Variants in CRB1 observed in about 807,000 individuals in gnomAD.
CRB1 encodes the protein protein crumbs homolog 1.
A neutral mutation model predicts 120.0 loss-of-function variants in CRB1; 83 were observed. That is an observed-to-expected ratio of 0.69 (90% CI 0.58 to 0.83). The LOEUF is 0.83. Ranked by LOEUF, CRB1 falls within the 40% of genes least tolerant of loss-of-function variation. CRB1 has a pLI of 0.00. For missense variants in CRB1, 1,699 were observed against 1,687.6 expected (o/e 1.01, Z -0.12); for synonymous variants, 625 against 612.5 (o/e 1.02, Z -0.30).
At chr1:197,222,431 T>C in the CRB1 span, 4 of 768,420 alleles carry the variant, frequency 5.2e-6, no homozygotes, top group Non-Finnish European at 9.7e-6. Context: ...GTCCTCGGGC[T>C]ACCGTCATGG....
At chr1:197,420,287 T>G (rs1270939475) in intron 5 of CRB1, among the ~76,000 whole-genome samples, 1 of 152,236 alleles carries the variant, frequency 6.6e-6, no homozygotes, top group Non-Finnish European at 1.5e-5. Flanking sequence ...GTATTCATAT[T>G]ACTTTTTTTA....
chr1:197,292,506 A>G (rs2125239777), intron 1 of CRB1, among the ~76,000 whole-genome samples: 1 of 152,044 alleles, frequency 6.6e-6, no homozygotes, highest in Middle Eastern at 3.4e-3. Flanking sequence ...ACCATTCCTT[A>G]TGAAGATATT....
chr1:197,378,080 A>G (rs1307633977), intron 5 of CRB1, among the ~76,000 whole-genome samples: 1 of 152,202 alleles, frequency 6.6e-6, no homozygotes, highest in Non-Finnish European at 1.5e-5. Context: ...TTTTGTTGAC[A>G]TGTAAGTTTT....
Position 197,331,831 on chromosome 1 carries a change from T to G in CRB1, c.652+2828T>G, listed in dbSNP as rs555194058. Reference sequence around the variant, plus strand: ...ATGTATGTTTTTTAAATATCTTAATTAAATTGGATTTTAATGAATCCTTTC... The same window carrying G: ...ATGTATGTTTTTTAAATATCTTAATGAAATTGGATTTTAATGAATCCTTTC... On this transcript the variant is annotated intron_variant, in intron 2 of 11. Transcript: ENST00000367400. Among the ~76,000 whole-genome samples, 11 of 152,300 alleles carry G rather than the reference T, an allele frequency of 7.2e-5. No homozygotes were observed. The East Asian group carries it at 1.9e-3, about 27-fold the overall frequency.
intron 11 of CRB1, among the ~76,000 whole-genome samples, chr1:197,446,835 T>C (rs182345802): frequency 1.4e-4 from 22 of 152,302 alleles, no homozygotes; most frequent in African/African-American, 5.3e-4. Context: ...TCTTTGTTGA[T>C]TGGATAAATG....
intron 1 of CRB1, among the ~76,000 whole-genome samples, chr1:197,285,909 CTTTGAA>C (rs1558029599): frequency 1.3e-5 from 2 of 151,820 alleles, no homozygotes; most frequent in Admixed American, 6.6e-5. Context: ...TTTAGTTATT[CTTTGAA>C]TTTGAGCAGA....
At chr1:197,207,489 G>A in the CRB1 span, among the ~76,000 whole-genome samples, 5 of 152,020 alleles carry the variant, frequency 3.3e-5, no homozygotes, top group African/African-American at 4.8e-5. Flanking sequence ...TAGTTTTGCT[G>A]GATACAAAAT....
chr1:197,229,885 C>G, the CRB1 span, among the ~76,000 whole-genome samples: 1 of 152,106 alleles, frequency 6.6e-6, no homozygotes, highest in African/African-American at 2.4e-5. Context: ...CAGCTTCGCT[C>G]TTGATTAGAA....
At chr1:197,426,143 A>G (rs770642759) in intron 6 of CRB1, among the ~76,000 whole-genome samples, 8 of 152,110 alleles carry the variant, frequency 5.3e-5, no homozygotes, top group Middle Eastern at 3.4e-3. Flanking sequence ...CCAGTTGCTT[A>G]GGCCCAAAGC....
intron 2 of CRB1, among the ~76,000 whole-genome samples, chr1:197,340,650 A>C (rs1659399143): frequency 6.6e-6 from 1 of 152,142 alleles, no homozygotes. Flanking sequence ...CTGATGACTA[A>C]TTAGGACACG....
the CRB1 span, among the ~76,000 whole-genome samples, chr1:197,256,879 T>C: frequency 0.59 from 87,769 of 149,410 alleles, 29,061 homozygotes; most frequent in East Asian, 0.91. Context: ...GGGAAAAAGA[T>C]ATATTTAGTC....
At chr1:197,396,130 A>C (rs1258810003) in intron 5 of CRB1, among the ~76,000 whole-genome samples, 1 of 152,150 alleles carries the variant, frequency 6.6e-6, no homozygotes, top group Non-Finnish European at 1.5e-5. Context: ...AGAACAAATA[A>C]CTTTAACATG....
At chr1:197,452,204 T>A (rs907751156) in intron 11 of CRB1, among the ~76,000 whole-genome samples, 5 of 152,162 alleles carry the variant, frequency 3.3e-5, no homozygotes, top group Non-Finnish European at 7.4e-5. Flanking sequence ...CCTGCTGTTC[T>A]AAGACGACGA....
chr1:197,221,707 A>C, the CRB1 span, among the ~76,000 whole-genome samples: 1 of 152,186 alleles, frequency 6.6e-6, no homozygotes, highest in Non-Finnish European at 1.5e-5. Flanking sequence ...GTTAAAAAAA[A>C]ATAATAAAGA....
At chr1:197,394,691 T>C (rs1662685351) in intron 5 of CRB1, among the ~76,000 whole-genome samples, 1 of 152,098 alleles carries the variant, frequency 6.6e-6, no homozygotes, top group South Asian at 2.1e-4. Context: ...CCATTCCTTT[T>C]CAAGGAATCT....
intron 1 of CRB1, among the ~76,000 whole-genome samples, chr1:197,313,928 T>C (rs1460947881): frequency 1.3e-5 from 2 of 152,204 alleles, no homozygotes. Context: ...TTTGAGTTAG[T>C]ATTTGTAGGT....
chr1:197,435,078 AC>A lies in CRB1; in HGVS notation c.3216del (p.Leu1074Ter), dbSNP rs1665075682. On this transcript the variant is annotated frameshift_variant, in exon 9 of 12. Transcript: ENST00000367400. LOFTEE classifies it high-confidence loss of function. The stretch of plus-strand genomic sequence containing the variant: ...AGCACAATTGCTACTGGAAGCCTCA[AC>A]TTTTTGAAGGATAATACAGATATTT... ...VTSTIATGSLNFLKDNTDIYV... is the reference protein window; with the variant it reads ...VTSTIATGSLXFLKDNTDIYV... 1 of 1,613,974 alleles carries A rather than the reference AC, an allele frequency of 6.2e-7. No individual in the cohort carries two copies. The highest frequency in any genetic ancestry group is 1.3e-5 in the African/African-American group (1 of 75,036).
At chr1:197,456,784 T>C (rs1409116815) in intron 11 of CRB1, among the ~76,000 whole-genome samples, 1 of 152,158 alleles carries the variant, frequency 6.6e-6, no homozygotes, top group Non-Finnish European at 1.5e-5. Flanking sequence ...GATGAATGAA[T>C]AAATGTATTA....
At chr1:197,246,208 C>T in the CRB1 span, among the ~76,000 whole-genome samples, 1 of 152,020 alleles carries the variant, frequency 6.6e-6, no homozygotes. Flanking sequence ...GGTGGCACCC[C>T]ACTCAGCCTA....
Sources: allele counts gnomAD v4.1 joint callset (sites outside exome capture counted in the v4.1 genomes callset), GRCh38; gene constraint gnomAD v4.1.1; transcripts MANE v1.5; gene names NCBI Gene and HGNC (gene_info 2026-07-23, HGNC 2026-07-21).